TSPAN8: variants seen among roughly 807,000 people sequenced by gnomAD.
TSPAN8 encodes tetraspanin 8, also known as tetraspanin-8.
TSPAN8 carries 21 observed loss-of-function variants against 32.8 expected under a neutral mutation model. The ratio of observed to expected loss-of-function variants is 0.64; its 90% CI spans 0.45 to 0.92. The LOEUF (loss-of-function observed/expected upper bound fraction) is 0.92. TSPAN8 is among the 40% of genes least tolerant of loss of function. TSPAN8 has a pLI of 0.00. For synonymous variants in TSPAN8, 95 were observed against 94.6 expected (o/e 1.00, Z -0.03); for missense variants, 269 against 281.9 (o/e 0.95, Z 0.33).
intron 6 of TSPAN8, among the ~76,000 whole-genome samples, chr12:71,137,112 AATG>A (rs376159872): frequency 2.8e-4 from 42 of 151,984 alleles, no homozygotes; most frequent in African/African-American, 1.0e-3. Flanking sequence ...TCTCTACAAA[AATG>A]ATAATTTTTT....
chr12:71,130,388 A>G (rs1210631383), intron 7 of TSPAN8, among the ~76,000 whole-genome samples: 1 of 152,226 alleles, frequency 6.6e-6, no homozygotes, highest in African/African-American at 2.4e-5. Flanking sequence ...CCTCTCTGCT[A>G]CATTTTTGAA....
chr12:71,147,625 T>G (rs1228842240), intron 2 of TSPAN8, among the ~76,000 whole-genome samples: 3 of 152,178 alleles, frequency 2.0e-5, no homozygotes, highest in African/African-American at 7.2e-5. Context: ...GCTGCTACTG[T>G]TATTGTTCAT....
chr12:71,134,608 T>C (rs1871621074), intron 6 of TSPAN8, among the ~76,000 whole-genome samples: 1 of 152,232 alleles, frequency 6.6e-6, no homozygotes, highest in Non-Finnish European at 1.5e-5. Flanking sequence ...ACAACCTCCT[T>C]TCCTGTTCCC....
At chr12:71,126,764 T>C (rs1871361892) in intron 8 of TSPAN8, among the ~76,000 whole-genome samples, 1 of 151,058 alleles carries the variant, frequency 6.6e-6, no homozygotes, top group Admixed American at 6.6e-5. Flanking sequence ...TGTAGCACTT[T>C]TTTTTTTTTA....
intron 3 of TSPAN8, among the ~76,000 whole-genome samples, chr12:71,140,251 A>T (rs1216007525): frequency 6.6e-6 from 1 of 152,222 alleles, no homozygotes; most frequent in African/African-American, 2.4e-5. Context: ...CTATTGATAG[A>T]CACAACAATA....
intron 8 of TSPAN8, among the ~76,000 whole-genome samples, chr12:71,127,953 A>C (rs1871396263): frequency 6.6e-6 from 1 of 152,122 alleles, no homozygotes; most frequent in African/African-American, 2.4e-5. Context: ...ATGTAAAATC[A>C]CTCTTGATTC....
intron 6 of TSPAN8, among the ~76,000 whole-genome samples, chr12:71,134,797 A>G (rs1034510478): frequency 7.9e-5 from 12 of 152,220 alleles, no homozygotes; most frequent in African/African-American, 2.9e-4. Context: ...GGAGGCATAA[A>G]GTCATACTCA....
At chr12:71,131,893 G>A (rs1284361768) in intron 7 of TSPAN8, among the ~76,000 whole-genome samples, 1 of 151,914 alleles carries the variant, frequency 6.6e-6, no homozygotes, top group Non-Finnish European at 1.5e-5. Flanking sequence ...TTGGATTGAA[G>A]TTGCCTAACT....
intron 3 of TSPAN8, among the ~76,000 whole-genome samples, chr12:71,143,818 A>G (rs1470127158): frequency 1.3e-5 from 2 of 152,172 alleles, no homozygotes; most frequent in Non-Finnish European, 1.5e-5. Flanking sequence ...GAGGTGGCCT[A>G]TATCCTCAAT....
chr12:71,126,633 T>C (rs1317970127), intron 8 of TSPAN8, among the ~76,000 whole-genome samples: 1 of 152,144 alleles, frequency 6.6e-6, no homozygotes, highest in African/African-American at 2.4e-5. Context: ...TCATGATAAA[T>C]TTGCTAAGAG....
At chr12:71,141,170 G>A (rs1178477789) in intron 3 of TSPAN8, among the ~76,000 whole-genome samples, 1 of 152,136 alleles carries the variant, frequency 6.6e-6, no homozygotes, top group Non-Finnish European at 1.5e-5. Context: ...TTATAAAAGG[G>A]AATTGGGTCA....
At position 71,125,344 on chromosome 12, in the gene TSPAN8, C is replaced by T; in HGVS notation, c.704G>A (p.Gly235Glu). The part of the protein sequence containing the change: ...VFSMVLYCQI[G>E]NK ...GATGCATCCACAGATTCATTTGTTC[C>T]CGATCTGGCAATACAGGACCATAGA... is the stretch of plus-strand genomic sequence containing the variant. Residue 235 changes from glycine (G) to glutamate (E), a missense_variant, in exon 9 of 9, where the codon GGG becomes GAG. By Grantham distance (98) the Gly-to-Glu change is moderately conservative. Transcript: ENST00000247829. The T allele has an allele frequency of 6.2e-7, 1 of 1,612,366 alleles. No individual in the cohort carries two copies. Among genetic ancestry groups the T allele is most frequent in the East Asian group, 2.2e-5 (1 of 44,854 alleles).
chr12:71,151,006 C>T (rs1469532776), intron 2 of TSPAN8, among the ~76,000 whole-genome samples: 1 of 151,988 alleles, frequency 6.6e-6, no homozygotes, highest in East Asian at 1.9e-4. Context: ...TGAAAACAGA[C>T]TGATACAAGT....
intron 2 of TSPAN8, among the ~76,000 whole-genome samples, chr12:71,154,968 TA>T (rs1418044715): frequency 2.0e-5 from 3 of 152,144 alleles, no homozygotes; most frequent in Non-Finnish European, 4.4e-5. Flanking sequence ...TTAATAAGGG[TA>T]AACATTGTAA....
intron 2 of TSPAN8, among the ~76,000 whole-genome samples, chr12:71,154,145 C>A (rs11178659): frequency 0.011 from 1,654 of 151,980 alleles, 36 homozygotes; most frequent in African/African-American, 0.038. Context: ...CCTGTCTCCA[C>A]TAAAAATACA....
chr12:71,131,726 A>G (rs994767973), intron 7 of TSPAN8, among the ~76,000 whole-genome samples: 2 of 151,564 alleles, frequency 1.3e-5, no homozygotes, highest in Non-Finnish European at 2.9e-5. Flanking sequence ...TATCAATTGT[A>G]ATTTTTGTAC....
At chr12:71,131,496 G>A (rs553543224) in intron 7 of TSPAN8, among the ~76,000 whole-genome samples, 206 of 151,906 alleles carry the variant, frequency 1.4e-3, no homozygotes, top group African/African-American at 4.8e-3. Flanking sequence ...ATTATTTTCA[G>A]TAGCAGTTAC....
intron 3 of TSPAN8, 120 bp downstream of exon 3, chr12:71,144,031 A>C: frequency 1.3e-6 from 1 of 766,694 alleles, no homozygotes; most frequent in Non-Finnish European, 2.0e-6. Flanking sequence ...ACAAGTGATT[A>C]CATGAAGCAG....
chr12:71,137,939 T>C lies in TSPAN8; in HGVS notation c.444+14A>G, dbSNP rs73341863. ...ATGTCCAACTCTTTAAAATGAACAA[T>C]GAATTCTAATTACCTCTTCTTGAAA... On this transcript the variant is annotated intron_variant, in intron 6 of 8. Transcript: ENST00000247829. The C allele has an allele frequency of 1.6e-3, 2,529 of 1,602,524 alleles. 31 individuals are homozygous for C. The African/African-American group carries it at 0.026, about 16-fold the overall frequency.
Sources: allele counts gnomAD v4.1 joint callset (sites outside exome capture counted in the v4.1 genomes callset), GRCh38; gene constraint gnomAD v4.1.1; transcripts MANE v1.5; gene names NCBI Gene and HGNC (gene_info 2026-07-23, HGNC 2026-07-21).